The following GATAD2B variants were observed in gnomAD, a reference collection of about 807,000 sequenced individuals.
The protein encoded by GATAD2B is GATA zinc finger domain containing 2B.
Under a neutral mutation model 64.3 loss-of-function variants are expected in GATAD2B, and 8 were observed. The observed-to-expected ratio is 0.12, with a 90% CI of 0.07 to 0.22. GATAD2B has a LOEUF of 0.22. Ranked by LOEUF, GATAD2B falls within the 10% of genes least tolerant of loss-of-function variation. The pLI is 1.00. For synonymous variants in GATAD2B, 281 were observed against 271.3 expected (o/e 1.04, Z -0.35); for missense variants, 453 against 752.0 (o/e 0.60, Z 4.65).
intron 1 of GATAD2B, among the ~76,000 whole-genome samples, chr1:153,836,494 G>A (rs1023195622): frequency 4.0e-5 from 6 of 149,716 alleles, no homozygotes; most frequent in Admixed American, 6.7e-5. Context: ...CAAGTGATCC[G>A]CCCACCTTGG....
intron 1 of GATAD2B, among the ~76,000 whole-genome samples, chr1:153,911,503 G>A (rs1295528775): frequency 6.6e-6 from 1 of 152,162 alleles, no homozygotes. Context: ...GGGAGGCCGA[G>A]GCGGGTGGAT....
intron 1 of GATAD2B, among the ~76,000 whole-genome samples, chr1:153,839,923 G>A (rs1363417477): frequency 6.6e-6 from 1 of 151,922 alleles, no homozygotes; most frequent in South Asian, 2.1e-4. Flanking sequence ...GCAGTGAGCT[G>A]AGATCATGCC....
intron 1 of GATAD2B, among the ~76,000 whole-genome samples, chr1:153,876,054 C>T (rs1676817505): frequency 1.3e-5 from 2 of 151,624 alleles, no homozygotes; most frequent in Non-Finnish European, 2.9e-5. Context: ...TGGTGAAACC[C>T]CGCCTCTACT....
At chr1:153,818,963 C>A (rs1674579935) in intron 3 of GATAD2B, 41 bp from the exon 4 acceptor site, 1 of 1,593,424 alleles carries the variant, frequency 6.3e-7, no homozygotes, top group Non-Finnish European at 8.5e-7. Context: ...CAGCAAGGTA[C>A]CCAGAATTCC....
intron 1 of GATAD2B, among the ~76,000 whole-genome samples, chr1:153,859,364 C>CA (rs11327443): frequency 5.7e-5 from 8 of 140,650 alleles, no homozygotes; most frequent in South Asian, 2.3e-4. Context: ...GACTTCACCT[C>CA]AAAAAAAAAA....
chr1:153,870,381 C>G (rs936314705), intron 1 of GATAD2B, among the ~76,000 whole-genome samples: 1 of 152,112 alleles, frequency 6.6e-6, no homozygotes, highest in Non-Finnish European at 1.5e-5. Flanking sequence ...ACCATCCTGG[C>G]TAACACAGTG....
At chr1:153,836,100 G>A (rs1034680880) in intron 1 of GATAD2B, among the ~76,000 whole-genome samples, 3 of 151,904 alleles carry the variant, frequency 2.0e-5, no homozygotes, top group Non-Finnish European at 2.9e-5. Context: ...CTTTATTGTG[G>A]TGGTCTGGAA....
At chr1:153,862,725 CTT>C (rs747632481) in intron 1 of GATAD2B, among the ~76,000 whole-genome samples, 32 of 127,060 alleles carry the variant, frequency 2.5e-4, no homozygotes, top group Admixed American at 4.8e-4. Flanking sequence ...TACTTTATTT[CTT>C]TTTTTTTTTT....
chr1:153,856,251 G>A (rs1454251733), intron 1 of GATAD2B, among the ~76,000 whole-genome samples: 2 of 152,112 alleles, frequency 1.3e-5, no homozygotes, highest in Non-Finnish European at 2.9e-5. Flanking sequence ...TTAATTCTCT[G>A]TTGCCATGAA....
chr1:153,869,785 A>G (rs989051163), intron 1 of GATAD2B, among the ~76,000 whole-genome samples: 3 of 152,176 alleles, frequency 2.0e-5, no homozygotes, highest in East Asian at 3.9e-4. Context: ...ATCTTTTTCT[A>G]TATCTATATT....
chr1:153,824,695 T>TACAATTCC (rs1380290654), intron 2 of GATAD2B, among the ~76,000 whole-genome samples: 1 of 141,542 alleles, frequency 7.1e-6, no homozygotes, highest in Non-Finnish European at 1.5e-5. Flanking sequence ...TGCAATATAA[T>TACAATTCC]ACAATTCCAA....
chr1:153,816,643 C>A lies in GATAD2B; in HGVS notation c.901-55G>T. 1 of 1,200,916 alleles carries A rather than the reference C, an allele frequency of 8.3e-7. No homozygotes were observed. The highest frequency in any genetic ancestry group is 1.8e-5 in the Admixed American group (1 of 55,078). The allele number at this position is 1,200,916 out of a possible 1,614,324, so 74.4% of individuals were successfully genotyped here. On this transcript the variant is annotated intron_variant, in intron 6 of 10. Coordinates refer to ENST00000368655, the MANE Select transcript of GATAD2B (RefSeq NM_020699.4). This position sits in a 1 kb window ranked among gnomAD's most constrained non-coding sequence, Gnocchi z 4.9. ...TGGTATGCAGGAGAAAGGGCCAATT[C>A]TTACGTTCTTGGCAGAGGACACTGT...
In GATAD2B at chr1:153,812,152, C is replaced by G; in HGVS notation, c.1420-20G>C. 1 of 1,299,228 alleles carries G rather than the reference C, an allele frequency of 7.7e-7. No individual in the cohort carries two copies. Among genetic ancestry groups the G allele is most frequent in the Non-Finnish European group, 1.1e-6 (1 of 895,446 alleles). The allele number at this position is 1,299,228 out of a possible 1,614,324, so 80.5% of individuals were successfully genotyped here. A position where few individuals can be genotyped will look rare whatever the true frequency, so the allele number is the denominator to read the frequency against. On this transcript the variant is annotated intron_variant, in intron 8 of 10. Transcript: ENST00000368655. ...AATTTCCTGTTGGGAGTCATCACAT[C>G]AGGTGATTGAGCAGGACAGCACCCA...
At chr1:153,839,358 A>T (rs1675394398) in intron 1 of GATAD2B, among the ~76,000 whole-genome samples, 1 of 152,096 alleles carries the variant, frequency 6.6e-6, no homozygotes, top group Admixed American at 6.6e-5. Flanking sequence ...GGGAATGAAG[A>T]GGGTGAACAA....
intron 1 of GATAD2B, among the ~76,000 whole-genome samples, chr1:153,895,809 T>A (rs1327272338): frequency 6.6e-6 from 1 of 151,994 alleles, no homozygotes; most frequent in East Asian, 1.9e-4. Context: ...TAGGGCTGAG[T>A]ACGCTGTTCA....
intron 2 of GATAD2B, among the ~76,000 whole-genome samples, chr1:153,826,847 G>A (rs752465162): frequency 1.7e-4 from 26 of 151,532 alleles, no homozygotes; most frequent in African/African-American, 4.1e-4. Context: ...AGGCTAGGGC[G>A]CGAAGATAAC....
chr1:153,918,674 G>A (rs1016253739), intron 1 of GATAD2B, among the ~76,000 whole-genome samples: 4 of 152,100 alleles, frequency 2.6e-5, no homozygotes, highest in East Asian at 1.9e-4. Flanking sequence ...TACTAAGGCC[G>A]GGCACAATGG....
intron 1 of GATAD2B, among the ~76,000 whole-genome samples, chr1:153,879,655 C>T (rs1417445850): frequency 6.7e-6 from 1 of 150,136 alleles, no homozygotes; most frequent in Non-Finnish European, 1.5e-5. Flanking sequence ...CCCAACTACT[C>T]AGGAGGCTGA....
chr1:153,820,489 C>CT lies in GATAD2B; in HGVS notation c.336-755dup, dbSNP rs578159365. Among the ~76,000 whole-genome samples, 280 of 152,332 alleles carry CT rather than the reference C, an allele frequency of 1.8e-3. 1 individual carries two copies. Among genetic ancestry groups the CT allele is most frequent in the African/African-American group, 6.5e-3 (269 of 41,580 alleles). On this transcript the variant is annotated intron_variant, in intron 2 of 10. Transcript: ENST00000368655. ...CTAGGTAACAAGAATTCCGGAAACTCTAACTGCCTCAGGTTCCCAAATCCG... is the reference window on the plus strand; with the variant it reads ...CTAGGTAACAAGAATTCCGGAAACTCTTAACTGCCTCAGGTTCCCAAATCCG...
Sources: gnomAD v4.1 joint callset for allele counts (sites outside exome capture counted in the v4.1 genomes callset) on GRCh38, gnomAD v4.1.1 for gene constraint, Gnocchi (gnomAD v3.1) non-coding constraint, MANE v1.5 for transcripts, NCBI Gene and HGNC (gene_info 2026-07-23, HGNC 2026-07-21) for gene names.